DNAJC6: variants seen among roughly 807,000 people sequenced by gnomAD.
The protein encoded by DNAJC6 is auxilin.
Under a neutral mutation model 110.0 loss-of-function variants are expected in DNAJC6, and 34 were observed. The observed-to-expected ratio is 0.31, with a 90% confidence interval of 0.24 to 0.41. The LOEUF is 0.41. Ranked by LOEUF, DNAJC6 falls within the 10% of genes least tolerant of loss-of-function variation. DNAJC6 has a pLI of 1.00. For synonymous variants in DNAJC6, 406 were observed against 437.2 expected (o/e 0.93, Z 0.89); for missense variants, 1,031 against 1,207.8 (o/e 0.85, Z 2.17).
chr1:65,359,470 C>T (rs546059293), intron 1 of DNAJC6, among the ~76,000 whole-genome samples: 78 of 152,310 alleles, frequency 5.1e-4, no homozygotes, highest in African/African-American at 1.9e-3. Flanking sequence ...ATCATTGAAA[C>T]AAGAATCTAC....
At chr1:65,330,610 A>G (rs1645279734) in intron 1 of DNAJC6, among the ~76,000 whole-genome samples, 1 of 152,124 alleles carries the variant, frequency 6.6e-6, no homozygotes, top group Non-Finnish European at 1.5e-5. Context: ...CTGGGACTAC[A>G]GGCGCCGCCA....
At chr1:65,341,166 G>A (rs1244479959) in intron 1 of DNAJC6, among the ~76,000 whole-genome samples, 4 of 152,252 alleles carry the variant, frequency 2.6e-5, no homozygotes, top group East Asian at 1.9e-4. Flanking sequence ...AGCACACAGC[G>A]GGAGCCTGGT....
In DNAJC6 at chr1:65,411,352, A is replaced by T. The variant is rs1234100883; in HGVS notation, c.2737A>T (p.Met913Leu). 6.2e-7 allele frequency: 1 copy of T among 1,614,208 alleles called. No individual in the cohort carries two copies. Among genetic ancestry groups the T allele is most frequent in the Non-Finnish European group, 8.5e-7 (1 of 1,180,024 alleles). ...GGAGACCAAGTGGAAACCAGTTGGC[A>T]TGGCAGACCTGGTAACACCAGAGCA... The part of the protein sequence containing the change: ...AGETKWKPVG[M>L]ADLVTPEQVK... Residue 913 changes from methionine to leucine, a missense_variant, in exon 18 of 19, where the codon ATG becomes TTG. Coordinates refer to ENST00000371069, the MANE Select transcript of DNAJC6 (RefSeq NM_001256864.2).
At chr1:65,361,073 T>A (rs1645592296) in intron 1 of DNAJC6, among the ~76,000 whole-genome samples, 1 of 152,216 alleles carries the variant, frequency 6.6e-6, no homozygotes, top group African/African-American at 2.4e-5. Flanking sequence ...TGCACAGATA[T>A]GGGTTTGAAT....
At chr1:65,360,338 A>G (rs574635618) in intron 1 of DNAJC6, among the ~76,000 whole-genome samples, 1 of 152,362 alleles carries the variant, frequency 6.6e-6, no homozygotes, top group Non-Finnish European at 1.5e-5. Context: ...TTTCTGCAGC[A>G]TTCCAAAGCT....
intron 1 of DNAJC6, among the ~76,000 whole-genome samples, chr1:65,342,172 C>T (rs953455522): frequency 3.9e-5 from 6 of 152,106 alleles, no homozygotes; most frequent in Non-Finnish European, 8.8e-5. Context: ...GGAACACAGG[C>T]TTTGGAGTGA....
chr1:65,393,309 A>G (rs7529945), intron 12 of DNAJC6, among the ~76,000 whole-genome samples: 10,165 of 152,264 alleles, frequency 0.067, 440 homozygotes, highest in Non-Finnish European at 0.098. Flanking sequence ...TAGTTGAGGA[A>G]ATGGAAGCAT....
chr1:65,327,160 G>A (rs1426228815), intron 1 of DNAJC6, among the ~76,000 whole-genome samples: 2 of 152,196 alleles, frequency 1.3e-5, no homozygotes, highest in East Asian at 3.8e-4. Context: ...TGGAGAGGGA[G>A]ATGGGGGAGG....
At chr1:65,316,465 C>T (rs1570269205) in intron 1 of DNAJC6, among the ~76,000 whole-genome samples, 1 of 152,208 alleles carries the variant, frequency 6.6e-6, no homozygotes, top group Non-Finnish European at 1.5e-5. Flanking sequence ...TGAGTTGTGA[C>T]ATGCTGCCTG....
rs747712336 is a variant in DNAJC6, at chr1:65,398,803, C to T, written c.2039-10C>T. 1 of 1,613,914 alleles carries T rather than the reference C, an allele frequency of 6.2e-7. No individual in the cohort carries two copies. Among genetic ancestry groups the T allele is most frequent in the African/African-American group, 1.3e-5 (1 of 75,018 alleles). The stretch of plus-strand genomic sequence containing the variant: ...CTTGTTCTCATTCTTTTTCTTTTCC[C>T]CATTTGCAGCTTCTAGTACGCCTGC... On this transcript the variant is annotated splice_polypyrimidine_tract_variant and intron_variant, in intron 13 of 18. Transcript: ENST00000371069.
intron 2 of DNAJC6, 21 bp from the exon 3 acceptor site, chr1:65,365,864 C>A (rs371856079): frequency 6.8e-6 from 11 of 1,610,192 alleles, no homozygotes; most frequent in Non-Finnish European, 1.7e-6. Context: ...TAATGAGTGC[C>A]CATTTTTGTC....
chr1:65,408,077 G>T (rs1646094174), intron 16 of DNAJC6, among the ~76,000 whole-genome samples: 1 of 152,196 alleles, frequency 6.6e-6, no homozygotes. Context: ...AACTTGCCTA[G>T]ATTACATCAC....
chr1:65,331,688 G>A (rs2101454672), intron 1 of DNAJC6, among the ~76,000 whole-genome samples: 1 of 152,278 alleles, frequency 6.6e-6, no homozygotes, highest in Non-Finnish European at 1.5e-5. Flanking sequence ...AGCAGCAAAT[G>A]TTGTTTAAGA....
At chr1:65,298,964 C>CT (rs1290285309) in intron 1 of DNAJC6, 1 of 152,222 alleles carries the variant, frequency 6.6e-6, no homozygotes, top group Admixed American at 6.5e-5. Context: ...CACCAAGGCA[C>CT]TGAGAGCCAT....
chr1:65,400,129 G>A (rs959176247), intron 14 of DNAJC6, among the ~76,000 whole-genome samples: 1 of 151,440 alleles, frequency 6.6e-6, no homozygotes, highest in Non-Finnish European at 1.5e-5. Flanking sequence ...GCAGTGAGCC[G>A]AGATCACACC....
At chr1:65,302,092 A>G (rs1373650464) in intron 1 of DNAJC6, among the ~76,000 whole-genome samples, 2 of 32,502 alleles carry the variant, frequency 6.2e-5, no homozygotes, top group Non-Finnish European at 8.8e-5. Flanking sequence ...TATATATATT[A>G]TATATATAAT....
At chr1:65,400,623 C>T (rs954234927) in intron 14 of DNAJC6, among the ~76,000 whole-genome samples, 2 of 152,136 alleles carry the variant, frequency 1.3e-5, no homozygotes, top group African/African-American at 2.4e-5. Context: ...TAACATAATG[C>T]TCTCTAGGTT....
intron 14 of DNAJC6, among the ~76,000 whole-genome samples, 182 bp downstream of exon 14, chr1:65,399,063 TATC>T (rs1646006226): frequency 6.6e-6 from 1 of 152,214 alleles, no homozygotes; most frequent in South Asian, 2.1e-4. Flanking sequence ...TAGTGCTACT[TATC>T]ATACACCATT....
At chr1:65,368,708 T>TC (rs1404364506) in intron 4 of DNAJC6, among the ~76,000 whole-genome samples, 24 of 45,898 alleles carry the variant, frequency 5.2e-4, no homozygotes, top group African/African-American at 7.5e-4. Context: ...TTCCTCCTCC[T>TC]TCTTCTTCCT....
Sources: allele counts gnomAD v4.1 joint callset (sites outside exome capture counted in the v4.1 genomes callset), GRCh38; gene constraint gnomAD v4.1.1; transcripts MANE v1.5; gene names NCBI Gene and HGNC (gene_info 2026-07-23, HGNC 2026-07-21).